AGBL1: variants seen among roughly 807,000 people sequenced by gnomAD.
The protein encoded by AGBL1 is cytosolic carboxypeptidase 4.
Under a neutral mutation model 118.9 loss-of-function variants are expected in AGBL1, and 130 were observed. The observed-to-expected ratio is 1.09, with a 90% CI of 0.95 to 1.26. The LOEUF (loss-of-function observed/expected upper bound fraction) is 1.26. Ranked by LOEUF, AGBL1 falls within the 50% of genes most tolerant of loss-of-function variation. The pLI is 0.00. For synonymous variants in AGBL1, 555 were observed against 478.9 expected, an observed-to-expected ratio of 1.16 and a Z score of -2.08; for missense variants, 1,584 against 1,298.1, an observed-to-expected ratio of 1.22 and a Z score of -3.38.
intron 1 of AGBL1, among the ~76,000 whole-genome samples, chr15:86,121,218 A>G (rs559550093): frequency 2.6e-5 from 4 of 152,242 alleles, no homozygotes; most frequent in East Asian, 1.9e-4. Flanking sequence ...ATTTTTTATT[A>G]TAGAAAGGGT....
intron 16 of AGBL1, among the ~76,000 whole-genome samples, chr15:86,285,612 G>A (rs576495985): frequency 1.3e-5 from 2 of 152,210 alleles, no homozygotes; most frequent in Non-Finnish European, 2.9e-5. Context: ...ACTGTGAGTC[G>A]ATTAAACCTC....
rs529679210 is a variant in AGBL1 at position 86,987,062 on chromosome 15, C to T, written c.3222-925C>T. Among the ~76,000 whole-genome samples the T allele has an allele frequency of 2.0e-5, 3 of 152,210 alleles. No individual in the cohort carries two copies. In the South Asian group the frequency reaches 6.2e-4, roughly 32 times the overall value. ...CAGGATGAGCCAGGAGAAGGAATTT[C>T]ACAAGGTAATGTCATCAGTTAAGGC... On this transcript the variant is annotated intron_variant, in intron 23 of 24. Coordinates refer to the AGBL1 transcript ENST00000441037.
In AGBL1 at chr15:86,441,158, G is replaced by C. The variant is rs182308234; in HGVS notation, c.2555+43612G>C. On this transcript the variant is annotated intron_variant, in intron 18 of 22. Coordinates refer to ENST00000614907, the MANE Select transcript of AGBL1 (RefSeq NM_001386094.1). ...AGAGCTGTATTATAAAGGGTGCTCG[G>C]TGTGGTTATTGTGCCACGTGACTGT... Among the ~76,000 whole-genome samples the C allele has an allele frequency of 2.1e-3, 317 of 152,324 alleles. 1 individual carries two copies. The highest frequency in any genetic ancestry group is 8.4e-3 in the Admixed American group (129 of 15,302).
At chr15:86,617,617 T>A (rs186261888) in intron 21 of AGBL1, among the ~76,000 whole-genome samples, 1 of 152,302 alleles carries the variant, frequency 6.6e-6, no homozygotes, top group East Asian at 1.9e-4. Context: ...CATAGGTATA[T>A]TTTTTATTTT....
At chr15:86,782,283 T>C (rs2078346834) in intron 22 of AGBL1, among the ~76,000 whole-genome samples, 1 of 151,198 alleles carries the variant, frequency 6.6e-6, no homozygotes, top group South Asian at 2.1e-4. Context: ...CAATGAAGAG[T>C]ACTATTTTCC....
At chr15:86,462,565 C>T in intron 18 of AGBL1, among the ~76,000 whole-genome samples, 1 of 152,040 alleles carries the variant, frequency 6.6e-6, no homozygotes, top group East Asian at 1.9e-4. Flanking sequence ...AGGTATTTCT[C>T]CTAATACTAT....
At chr15:86,512,458 T>C (rs2083063643) in intron 18 of AGBL1, among the ~76,000 whole-genome samples, 1 of 151,874 alleles carries the variant, frequency 6.6e-6, no homozygotes, top group Non-Finnish European at 1.5e-5. Context: ...AATATCCTTG[T>C]TCAATTTTCT....
At position 86,546,147 on chromosome 15, in the gene AGBL1, G is replaced by T. The variant is rs1335762828; in HGVS notation, c.2817+14G>T. ...GTCAACTACAGGGTAAGCCGCTGTG[G>T]GGAATGACATCAGACATGCTGTGTT... On this transcript the variant is annotated intron_variant, in intron 20 of 22. Coordinates refer to ENST00000614907, the MANE Select transcript of AGBL1 (RefSeq NM_001386094.1). 6.2e-7 allele frequency: 1 copy of T among 1,607,544 alleles called. No individual in the cohort carries two copies. The highest frequency in any genetic ancestry group is 8.5e-7 in the Non-Finnish European group (1 of 1,175,302).
At chr15:86,498,060 AT>A in intron 18 of AGBL1, among the ~76,000 whole-genome samples, 1 of 151,984 alleles carries the variant, frequency 6.6e-6, no homozygotes, top group South Asian at 2.1e-4. Flanking sequence ...TTTAAACAAA[AT>A]TTTTTTCCAT....
At chr15:86,500,597 C>T (rs1383494502) in intron 18 of AGBL1, among the ~76,000 whole-genome samples, 1 of 55,134 alleles carries the variant, frequency 1.8e-5, no homozygotes. Context: ...CAACCACTAG[C>T]TCATTCCAGT....
At chr15:86,457,869 C>T (rs1224196852) in intron 18 of AGBL1, among the ~76,000 whole-genome samples, 1 of 152,182 alleles carries the variant, frequency 6.6e-6, no homozygotes, top group African/African-American at 2.4e-5. Flanking sequence ...TCTAAGACCT[C>T]TCTGGGCCTG....
intron 1 of AGBL1, among the ~76,000 whole-genome samples, chr15:86,104,024 T>C (rs1896887030): frequency 6.6e-6 from 1 of 152,160 alleles, no homozygotes; most frequent in African/African-American, 2.4e-5. Flanking sequence ...AGGGCCAGTC[T>C]TGAGGCACAC....
intron 21 of AGBL1, among the ~76,000 whole-genome samples, chr15:86,658,928 C>CATGCAG (rs1434510205): frequency 6.6e-6 from 1 of 152,156 alleles, no homozygotes; most frequent in African/African-American, 2.4e-5. Context: ...TACCAAGCAT[C>CATGCAG]ATGCAGATTC....
At chr15:86,326,740 A>C (rs190709601) in intron 17 of AGBL1, among the ~76,000 whole-genome samples, 24 of 152,212 alleles carry the variant, frequency 1.6e-4, no homozygotes, top group Non-Finnish European at 3.4e-4. Flanking sequence ...AACCTTCTTA[A>C]ATATCTGTCT....
chr15:86,556,182 G>T, intron 21 of AGBL1: 1 of 1,529,622 alleles, frequency 6.5e-7, no homozygotes, highest in South Asian at 1.2e-5. Flanking sequence ...AAAATGAAAT[G>T]ACTCATAGGT....
At position 86,731,644 on chromosome 15, in the gene AGBL1, A is replaced by G. The variant is rs1406197469; in HGVS notation, c.3158+57208A>G. On this transcript the variant is annotated intron_variant, in intron 22 of 22. Coordinates refer to ENST00000614907, the MANE Select transcript of AGBL1 (RefSeq NM_001386094.1). ...GATGAGACTTGAAAGCCAACAAGAT[A>G]CAAAGATAGAGAGAGGAAGAAGCTA... Among the ~76,000 whole-genome samples the G allele has an allele frequency of 2.6e-5, 4 of 152,230 alleles. 1 individual carries two copies. Among genetic ancestry groups the G allele is most frequent in the African/African-American group, 9.6e-5 (4 of 41,462 alleles).
chr15:86,419,415 A>C (rs939790254), intron 18 of AGBL1, among the ~76,000 whole-genome samples: 5 of 152,122 alleles, frequency 3.3e-5, no homozygotes, highest in African/African-American at 1.2e-4. Flanking sequence ...ATGAGGAATG[A>C]TGCATTATGG....
rs191689733 is a variant in AGBL1 at position 86,143,014 on chromosome 15, A to G, written c.116-685A>G. On this transcript the variant is annotated intron_variant, in intron 2 of 22. Coordinates refer to ENST00000614907, the MANE Select transcript of AGBL1 (RefSeq NM_001386094.1). Reference sequence around the variant, plus strand: ...TCAACTTTGCCCCGTACATAGAGAGAATCAACCAAGGCCAAGTTGTAATGA... The same window carrying G: ...TCAACTTTGCCCCGTACATAGAGAGGATCAACCAAGGCCAAGTTGTAATGA... 1.0e-3 allele frequency among the ~76,000 whole-genome samples: 154 copies of G among 152,316 alleles called. 1 individual carries two copies. Among genetic ancestry groups the G allele is most frequent in the Non-Finnish European group, 1.8e-3 (123 of 68,024 alleles).
At chr15:86,486,059 A>G (rs956016109) in intron 18 of AGBL1, among the ~76,000 whole-genome samples, 7 of 152,102 alleles carry the variant, frequency 4.6e-5, no homozygotes. Context: ...AACCTTAGTC[A>G]CGATACTTAA....
Sources: gnomAD v4.1 joint callset for allele counts (sites outside exome capture counted in the v4.1 genomes callset) on GRCh38, gnomAD v4.1.1 for gene constraint, MANE v1.5 for transcripts, NCBI Gene and HGNC (gene_info 2026-07-23, HGNC 2026-07-21) for gene names.